PKNOX2: variants seen among roughly 807,000 people sequenced by gnomAD.
The protein encoded by PKNOX2 is PBX/knotted 1 homeobox 2, also known as homeobox protein PKNOX2.
In PKNOX2, 14 loss-of-function variants were observed where a neutral mutation model predicts 53.1. That is an observed-to-expected ratio of 0.26 (90% CI 0.17 to 0.41). The LOEUF (loss-of-function observed/expected upper bound fraction) is 0.41. Among genes scored for constraint, PKNOX2 ranks in the 10% least tolerant of loss-of-function variants. The pLI is 1.00. For synonymous variants in PKNOX2, 257 were observed against 242.8 expected, an observed-to-expected ratio of 1.06 and a Z score of -0.54; for missense variants, 496 against 602.8, an observed-to-expected ratio of 0.82 and a Z score of 1.85.
At chr11:125,326,693 C>T (rs933180538) in intron 2 of PKNOX2, among the ~76,000 whole-genome samples, 4 of 152,172 alleles carry the variant, frequency 2.6e-5, no homozygotes, top group African/African-American at 9.7e-5. Flanking sequence ...AATTTAACAG[C>T]CGATCAAGCA....
intron 10 of PKNOX2, among the ~76,000 whole-genome samples, chr11:125,420,621 G>T (rs1385049033): frequency 6.6e-6 from 1 of 152,214 alleles, no homozygotes; most frequent in African/African-American, 2.4e-5. Context: ...CCAGAATGGG[G>T]TGCAGAGAAG....
chr11:125,184,985 C>T (rs1450321392), intron 1 of PKNOX2, among the ~76,000 whole-genome samples: 2 of 152,176 alleles, frequency 1.3e-5, no homozygotes, highest in Admixed American at 6.5e-5. Flanking sequence ...GACAAGTGCC[C>T]CAGGCAGGTT....
chr11:125,286,616 C>A (rs1255869190), intron 2 of PKNOX2, among the ~76,000 whole-genome samples: 7 of 152,248 alleles, frequency 4.6e-5, no homozygotes, highest in Admixed American at 4.6e-4. Context: ...CACTGCCAGG[C>A]CTGGTGTCGC....
chr11:125,245,693 G>A (rs140094542), intron 2 of PKNOX2, among the ~76,000 whole-genome samples: 146 of 152,314 alleles, frequency 9.6e-4, no homozygotes, highest in Non-Finnish European at 1.6e-3. Context: ...AGGAGAAGGG[G>A]AACCCTGGCT....
At chr11:125,293,136 G>C (rs1002839994) in intron 2 of PKNOX2, among the ~76,000 whole-genome samples, 1 of 152,114 alleles carries the variant, frequency 6.6e-6, no homozygotes, top group Non-Finnish European at 1.5e-5. Context: ...CATTGCCTCT[G>C]GGGGTGGGGT....
At chr11:125,261,150 G>T (rs1944818189) in intron 2 of PKNOX2, among the ~76,000 whole-genome samples, 1 of 152,218 alleles carries the variant, frequency 6.6e-6, no homozygotes, top group South Asian at 2.1e-4. Context: ...TGGATCGTGG[G>T]TCCTGGGTTA....
intron 7 of PKNOX2, among the ~76,000 whole-genome samples, chr11:125,409,399 G>C (rs1955341592): frequency 1.3e-5 from 2 of 152,196 alleles, no homozygotes; most frequent in African/African-American, 4.8e-5. Flanking sequence ...GTGGGGAGAG[G>C]AGAGTCTGTT....
intron 7 of PKNOX2, 66 bp from the exon 8 acceptor site, chr11:125,410,130 A>T: frequency 1.3e-6 from 2 of 1,571,220 alleles, no homozygotes; most frequent in South Asian, 2.3e-5. Flanking sequence ...ACGGAAGAGG[A>T]CTCTGGGGCT....
rs3832749 is a variant in PKNOX2 at position 125,431,296 on chromosome 11, AGAGGAG to A, written c.1336_1341del (p.Glu446_Glu447del). The A allele has an allele frequency of 1.2e-5, 19 of 1,612,982 alleles. No homozygotes were observed. The highest frequency in any genetic ancestry group is 8.3e-5 in the Admixed American group (5 of 59,938). ...AAGAAGAGGATGAGGATGAGATGGA[AGAGGAG>A]GAGGAGGAGGAGCTGGAGGAGGAGG... is the stretch of plus-strand genomic sequence containing the variant. On this transcript the variant is annotated inframe_deletion, in exon 13 of 13. Coordinates refer to ENST00000298282, the MANE Select transcript of PKNOX2 (RefSeq NM_001382323.2).
intron 2 of PKNOX2, among the ~76,000 whole-genome samples, chr11:125,295,458 A>C (rs1947595044): frequency 6.6e-6 from 1 of 152,116 alleles, no homozygotes; most frequent in African/African-American, 2.4e-5. Flanking sequence ...ATGCCTGTGC[A>C]TGTGTGTGTG....
chr11:125,415,527 T>A (rs1955827165), intron 10 of PKNOX2, among the ~76,000 whole-genome samples: 1 of 152,136 alleles, frequency 6.6e-6, no homozygotes, highest in South Asian at 2.1e-4. Flanking sequence ...TTTTTTTTTA[T>A]TCTTACAGGA....
intron 2 of PKNOX2, among the ~76,000 whole-genome samples, chr11:125,279,449 A>T (rs1043108622): frequency 2.6e-5 from 4 of 152,194 alleles, no homozygotes; most frequent in Non-Finnish European, 4.4e-5. Context: ...CGCATGTCAG[A>T]TGAGGAAAAT....
chr11:125,258,924 A>G, intron 2 of PKNOX2: 1 of 338,882 alleles, frequency 3.0e-6, no homozygotes, highest in Non-Finnish European at 6.0e-6. Context: ...TCCAACAGTG[A>G]CAGAAGCCGT....
At chr11:125,428,873 C>T (rs1956558469) in intron 10 of PKNOX2, 139 bp from the exon 11 acceptor site, 3 of 788,430 alleles carry the variant, frequency 3.8e-6, no homozygotes, top group Admixed American at 2.4e-5. Context: ...GGGGAGCAAA[C>T]ATGACACTTC....
chr11:125,241,745 C>T (rs1943162368), intron 2 of PKNOX2, among the ~76,000 whole-genome samples: 1 of 152,226 alleles, frequency 6.6e-6, no homozygotes, highest in South Asian at 2.1e-4. Context: ...ATCCTAGTTA[C>T]TCAGGAGGCT....
rs184078149 is a variant in PKNOX2 at position 125,377,064 on chromosome 11, G to A, written c.228-8487G>A. 4.6e-3 allele frequency among the ~76,000 whole-genome samples: 698 copies of A among 152,298 alleles called. 41 individuals carry two copies. In the South Asian group the frequency reaches 0.11, roughly 23 times the overall value. On this transcript the variant is annotated intron_variant, in intron 5 of 12. Coordinates refer to ENST00000298282, the MANE Select transcript of PKNOX2 (RefSeq NM_001382323.2). ...ATATAAATTTATTGGAGTAGATGGT[G>A]TCAGTGTTGCCCTGAATTTAAAAAG...
At chr11:125,421,904 G>A (rs541726308) in intron 10 of PKNOX2, among the ~76,000 whole-genome samples, 1 of 152,282 alleles carries the variant, frequency 6.6e-6, no homozygotes, top group Non-Finnish European at 1.5e-5. Context: ...GGAAAGCGCT[G>A]GTGTAGAGGG....
intron 3 of PKNOX2, 81 bp from the exon 4 acceptor site, chr11:125,351,203 G>A (rs1397862230): frequency 4.1e-6 from 3 of 736,774 alleles, no homozygotes; most frequent in African/African-American, 1.7e-5. Context: ...GGCCCAGCGG[G>A]GGACACAGGG....
intron 4 of PKNOX2, among the ~76,000 whole-genome samples, chr11:125,366,781 A>T (rs1420597394): frequency 6.6e-6 from 1 of 152,250 alleles, no homozygotes; most frequent in Admixed American, 6.5e-5. Flanking sequence ...CATATGATGA[A>T]CTTTGCAACT....
Sources: allele counts gnomAD v4.1 joint callset (sites outside exome capture counted in the v4.1 genomes callset), GRCh38; gene constraint gnomAD v4.1.1; transcripts MANE v1.5; gene names NCBI Gene and HGNC (gene_info 2026-07-23, HGNC 2026-07-21).